The following GALNT13 variants were observed in gnomAD, a reference collection of about 807,000 sequenced individuals.
GALNT13 encodes UDP-GalNAc:polypeptide N-acetylgalactosaminyltransferase 13.
In GALNT13, 28 loss-of-function variants were observed where a neutral mutation model predicts 64.2. The observed-to-expected ratio is 0.44, with a 90% confidence interval of 0.32 to 0.60. The LOEUF (loss-of-function observed/expected upper bound fraction) is 0.60. GALNT13 is among the 20% of genes least tolerant of loss of function. The pLI, the probability that GALNT13 is intolerant of heterozygous loss-of-function variation, is 0.05. For missense variants in GALNT13, 577 were observed against 669.8 expected, an observed-to-expected ratio of 0.86 and a Z score of 1.53; for synonymous variants, 214 against 224.6, an observed-to-expected ratio of 0.95 and a Z score of 0.42.
At chr2:153,836,866 C>T in the GALNT13 span, among the ~76,000 whole-genome samples, 218 of 152,128 alleles carry the variant, frequency 1.4e-3, no homozygotes, top group Admixed American at 5.2e-3. Flanking sequence ...CATAGTATTC[C>T]GTGGTGTATA....
chr2:153,682,674 T>C, the GALNT13 span, among the ~76,000 whole-genome samples: 1,867 of 151,908 alleles, frequency 0.012, 25 homozygotes, highest in South Asian at 0.043. Flanking sequence ...TGTAGCATAC[T>C]TGATGGCTTA....
the GALNT13 span, among the ~76,000 whole-genome samples, chr2:153,684,213 G>T: frequency 2.0e-5 from 3 of 151,576 alleles, no homozygotes; most frequent in East Asian, 5.8e-4. Context: ...GTAGAAGAGT[G>T]AAATTTGTTA....
At chr2:153,199,791 T>C in the GALNT13 span, among the ~76,000 whole-genome samples, 1 of 152,204 alleles carries the variant, frequency 6.6e-6, no homozygotes, top group African/African-American at 2.4e-5. Context: ...TATAAAGACT[T>C]TCATTTATAG....
chr2:153,554,654 A>G, the GALNT13 span, among the ~76,000 whole-genome samples: 3 of 131,670 alleles, frequency 2.3e-5, no homozygotes, highest in Non-Finnish European at 3.3e-5. Context: ...GGGATGCTGT[A>G]TATGTGTGTG....
the GALNT13 span, among the ~76,000 whole-genome samples, chr2:153,480,805 T>C: frequency 6.6e-6 from 1 of 152,204 alleles, no homozygotes; most frequent in Non-Finnish European, 1.5e-5. Context: ...GAACTGTGTG[T>C]TCAGTAGAAG....
chr2:154,219,704 G>A (rs768843019), intron 4 of GALNT13, among the ~76,000 whole-genome samples: 1 of 152,050 alleles, frequency 6.6e-6, no homozygotes, highest in Admixed American at 6.6e-5. Context: ...TTTTGGGAAT[G>A]GAACTATTAA....
chr2:153,621,915 T>C, the GALNT13 span, among the ~76,000 whole-genome samples: 1 of 152,238 alleles, frequency 6.6e-6, no homozygotes, highest in East Asian at 1.9e-4. Flanking sequence ...GAGTGAAACT[T>C]GCAGAATTAC....
intron 4 of GALNT13, among the ~76,000 whole-genome samples, chr2:154,149,267 G>T (rs1166226052): frequency 6.6e-6 from 1 of 152,140 alleles, no homozygotes. Flanking sequence ...TGAGGGCTCT[G>T]TTCTATTCCA....
chr2:153,401,995 G>A, the GALNT13 span, among the ~76,000 whole-genome samples: 45 of 145,822 alleles, frequency 3.1e-4, no homozygotes, highest in African/African-American at 8.8e-4. Flanking sequence ...GATTTTGCTC[G>A]TTAGTTGATG....
At chr2:153,597,929 T>A in the GALNT13 span, among the ~76,000 whole-genome samples, 1 of 152,080 alleles carries the variant, frequency 6.6e-6, no homozygotes, top group African/African-American at 2.4e-5. Context: ...AAAAAGATGA[T>A]AGCAAGCATT....
chr2:153,393,443 A>C, the GALNT13 span, among the ~76,000 whole-genome samples: 1 of 152,016 alleles, frequency 6.6e-6, no homozygotes, highest in Non-Finnish European at 1.5e-5. Flanking sequence ...GGTTATACCC[A>C]TTTCCAACCA....
At chr2:153,146,770 C>A in the GALNT13 span, among the ~76,000 whole-genome samples, 1 of 151,806 alleles carries the variant, frequency 6.6e-6, no homozygotes, top group Non-Finnish European at 1.5e-5. Flanking sequence ...ATGGCCAGTC[C>A]ACAGATATTC....
At chr2:154,275,888 G>T (rs955244470) in intron 8 of GALNT13, among the ~76,000 whole-genome samples, 1 of 152,226 alleles carries the variant, frequency 6.6e-6, no homozygotes, top group Non-Finnish European at 1.5e-5. Context: ...AAGGCCGTGG[G>T]AGCCCATCTC....
chr2:153,556,395 A>G, the GALNT13 span, among the ~76,000 whole-genome samples: 2 of 152,222 alleles, frequency 1.3e-5, no homozygotes, highest in African/African-American at 4.8e-5. Flanking sequence ...CTGATATTCT[A>G]TGTTCAGAGA....
chr2:153,639,551 A>G, the GALNT13 span, among the ~76,000 whole-genome samples: 1 of 152,158 alleles, frequency 6.6e-6, no homozygotes, highest in African/African-American at 2.4e-5. Flanking sequence ...CAAGAAGTCA[A>G]TGAGTGAGAG....
chr2:153,277,927 C>CTTTTTTTTTTTTTTTTTTTTTTTTTT, the GALNT13 span, among the ~76,000 whole-genome samples: 25 of 80,112 alleles, frequency 3.1e-4, no homozygotes, highest in Admixed American at 6.0e-4. Flanking sequence ...TCTTTTCTTT[C>CTTTTTTTTTTTTTTTTTTTTTTTTTT]TTTTTTTTTT....
chr2:153,342,722 G>T, the GALNT13 span, among the ~76,000 whole-genome samples: 1 of 152,036 alleles, frequency 6.6e-6, no homozygotes, highest in South Asian at 2.1e-4. Flanking sequence ...TGATTTAGTT[G>T]CTTTTAAACT....
chr2:154,178,772 A>G (rs1685798336), intron 4 of GALNT13, among the ~76,000 whole-genome samples: 1 of 152,090 alleles, frequency 6.6e-6, no homozygotes, highest in African/African-American at 2.4e-5. Flanking sequence ...GTCCTTTCCC[A>G]TTCAGCCAGC....
intron 3 of GALNT13, among the ~76,000 whole-genome samples, chr2:154,136,082 A>G (rs553100759): frequency 6.6e-4 from 100 of 152,320 alleles, no homozygotes; most frequent in African/African-American, 2.2e-3. Context: ...ATATTCAAAT[A>G]TGAGAGGGAC....
Sources: gnomAD v4.1 joint callset for allele counts (sites outside exome capture counted in the v4.1 genomes callset) on GRCh38, gnomAD v4.1.1 for gene constraint, MANE v1.5 for transcripts, NCBI Gene and HGNC (gene_info 2026-07-23, HGNC 2026-07-21) for gene names.